Variants in PDE1C observed in about 807,000 individuals in gnomAD.
The protein encoded by PDE1C is dual specificity calcium/calmodulin-dependent 3',5'-cyclic nucleotide phosphodiesterase 1C.
In PDE1C, 62 loss-of-function variants were observed where a neutral mutation model predicts 93.1. That is an observed-to-expected ratio of 0.67 (90% confidence interval 0.54 to 0.82). The LOEUF (loss-of-function observed/expected upper bound fraction) is 0.82. PDE1C is among the 40% of genes least tolerant of loss of function. PDE1C has a pLI of 0.00. For missense variants in PDE1C, 742 were observed against 884.6 expected (o/e 0.84, Z 2.04); for synonymous variants, 325 against 310.1 (o/e 1.05, Z -0.50).
intron 2 of PDE1C, among the ~76,000 whole-genome samples, chr7:32,171,956 C>G (rs1437667681): frequency 6.7e-6 from 1 of 149,376 alleles, no homozygotes; most frequent in Non-Finnish European, 1.5e-5. Flanking sequence ...ATACAGGAAA[C>G]TGCGTGTAGG....
chr7:31,959,089 T>G (rs1808542402), intron 2 of PDE1C, among the ~76,000 whole-genome samples: 2 of 152,228 alleles, frequency 1.3e-5, no homozygotes, highest in Non-Finnish European at 2.9e-5. Context: ...CTCCCTCCAT[T>G]TTATTATGAG....
intron 2 of PDE1C, among the ~76,000 whole-genome samples, chr7:32,038,907 T>C (rs1791465077): frequency 6.6e-6 from 1 of 152,220 alleles, no homozygotes; most frequent in South Asian, 2.1e-4. Context: ...GAATCTCATC[T>C]GTCAGATCTC....
At chr7:32,177,149 C>T (rs950845521) in intron 2 of PDE1C, among the ~76,000 whole-genome samples, 10 of 152,208 alleles carry the variant, frequency 6.6e-5, no homozygotes, top group Non-Finnish European at 1.0e-4. Flanking sequence ...AAAGGCCTTG[C>T]TCAGCCCATG....
At chr7:31,740,878 G>A in the PDE1C span, among the ~76,000 whole-genome samples, 1 of 151,990 alleles carries the variant, frequency 6.6e-6, no homozygotes. Flanking sequence ...AGACCAGCCT[G>A]GGAAACGTAG....
chr7:32,092,164 T>C (rs980536968), intron 3 of PDE1C, among the ~76,000 whole-genome samples: 2 of 148,934 alleles, frequency 1.3e-5, no homozygotes, highest in Non-Finnish European at 1.5e-5. Context: ...CTTTTGTTCA[T>C]GAGAGAGAGA....
At chr7:31,833,305 G>T (rs890333761) in intron 11 of PDE1C, among the ~76,000 whole-genome samples, 7 of 152,114 alleles carry the variant, frequency 4.6e-5, no homozygotes, top group African/African-American at 1.2e-4. Flanking sequence ...CCAGTCTTGG[G>T]TATTCTTTAT....
intron 2 of PDE1C, among the ~76,000 whole-genome samples, chr7:32,199,220 A>C (rs1314066582): frequency 1.3e-5 from 2 of 151,858 alleles, no homozygotes; most frequent in African/African-American, 4.8e-5. Flanking sequence ...GTGTTTGCCC[A>C]TCGTCTATAC....
intron 2 of PDE1C, among the ~76,000 whole-genome samples, chr7:31,980,967 C>G (rs939405254): frequency 2.6e-5 from 4 of 152,154 alleles, no homozygotes; most frequent in Admixed American, 1.3e-4. Flanking sequence ...TCTCAAGACC[C>G]TTAACTCAAT....
intron 1 of PDE1C, among the ~76,000 whole-genome samples, chr7:32,308,124 C>T (rs994844671): frequency 4.6e-5 from 7 of 152,248 alleles, no homozygotes; most frequent in African/African-American, 1.4e-4. Flanking sequence ...CGGAGTCTCG[C>T]TGATTGCTAG....
chr7:31,729,477 T>C, the PDE1C span, among the ~76,000 whole-genome samples: 1 of 152,246 alleles, frequency 6.6e-6, no homozygotes, highest in Non-Finnish European at 1.5e-5. Context: ...TTTTCCCAGT[T>C]GCATTGCATT....
upstream of PDE1C, among the ~76,000 whole-genome samples, chr7:32,303,498 T>C (rs977260192): frequency 6.6e-5 from 10 of 152,218 alleles, no homozygotes; most frequent in Non-Finnish European, 1.5e-4. Context: ...TCTGTGTTTC[T>C]GGATGCAGTT....
chr7:31,726,976 C>A, the PDE1C span, among the ~76,000 whole-genome samples: 1 of 152,054 alleles, frequency 6.6e-6, no homozygotes. Flanking sequence ...GTGGAGGTTG[C>A]AGTGAGCCAA....
intron 3 of PDE1C, among the ~76,000 whole-genome samples, chr7:32,132,530 G>A (rs536600603): frequency 6.6e-6 from 1 of 152,210 alleles, no homozygotes; most frequent in East Asian, 1.9e-4. Context: ...GCCGGGTGTG[G>A]TGGCACATGC....
Position 31,775,692 on chromosome 7 carries a change from G to A in PDE1C, c.1932C>T (p.Thr644=), listed in dbSNP as rs778996299. The stretch of plus-strand genomic sequence containing the variant: ...GCAACGTAAGGCGACACGTGGAGCT[G>A]GTGCTTGGGGCTGGTGAGCCGTGAG... ...QRSHGSPAPS[T]SSTCRLTLPV... is the part of the protein sequence containing the mutation. Residue 644 remains threonine (T), a synonymous_variant, in exon 17 of 18, where the codon ACC becomes ACT. Transcript: ENST00000396191. 9 of 1,612,732 alleles carry A rather than the reference G, an allele frequency of 5.6e-6. No homozygotes were observed. The Admixed American group carries it at 1.0e-4, about 18-fold the overall frequency.
rs146882775 is a variant in PDE1C at position 31,893,401 on chromosome 7, C to T, written c.129-12541G>A. 18 of 757,118 alleles carry T rather than the reference C, an allele frequency of 2.4e-5. No homozygotes were observed. In the Admixed American group the frequency reaches 5.6e-4, roughly 24 times the overall value. The allele number at this position is 757,118 out of a possible 1,614,324, so 46.9% of individuals were successfully genotyped here. ...GCTCCAGTATATTCTAATAACTGAA[C>T]GTGTCAAAAGCCTAAAGCTTTTTCA... On this transcript the variant is annotated intron_variant, in intron 2 of 17. Transcript: ENST00000396191.
chr7:32,047,635 T>G (rs1584592664), intron 2 of PDE1C, among the ~76,000 whole-genome samples: 1 of 152,252 alleles, frequency 6.6e-6, no homozygotes, highest in Non-Finnish European at 1.5e-5. Context: ...TGCCTCGTAC[T>G]TGGTGAAATA....
chr7:31,737,407 A>C, the PDE1C span, among the ~76,000 whole-genome samples: 2 of 152,210 alleles, frequency 1.3e-5, no homozygotes, highest in African/African-American at 4.8e-5. Flanking sequence ...CCAGAATCAA[A>C]AATGTAGCTT....
At chr7:32,066,111 C>T (rs1016962323) in intron 1 of PDE1C, among the ~76,000 whole-genome samples, 7 of 152,200 alleles carry the variant, frequency 4.6e-5, no homozygotes, top group Non-Finnish European at 1.0e-4. Flanking sequence ...GCAAAGCCTC[C>T]CTTTCCCACA....
intron 2 of PDE1C, among the ~76,000 whole-genome samples, chr7:32,205,797 C>T (rs1805420099): frequency 6.6e-6 from 1 of 152,122 alleles, no homozygotes; most frequent in Non-Finnish European, 1.5e-5. Context: ...CCAGACATGC[C>T]ACCTTTAAGA....
Sources: allele counts gnomAD v4.1 joint callset (sites outside exome capture counted in the v4.1 genomes callset), GRCh38; gene constraint gnomAD v4.1.1; transcripts MANE v1.5; gene names NCBI Gene and HGNC (gene_info 2026-07-23, HGNC 2026-07-21).